The following ARMC1 variants were observed in gnomAD, a reference collection of about 807,000 sequenced individuals.
The protein encoded by ARMC1 is armadillo repeat containing 1, also known as armadillo repeat-containing protein 1.
A neutral mutation model predicts 31.4 loss-of-function variants in ARMC1; 16 were observed. The ratio of observed to expected loss-of-function variants is 0.51; its 90% CI spans 0.34 to 0.77. ARMC1 has a LOEUF of 0.77. ARMC1 is among the 30% of genes least tolerant of loss of function. ARMC1 has a pLI of 0.01. For missense variants in ARMC1, 259 were observed against 347.5 expected (o/e 0.75, Z 2.02); for synonymous variants, 114 against 118.9 (o/e 0.96, Z 0.27).
chr8:65,630,699 A>G (rs1449685240), intron 1 of ARMC1, among the ~76,000 whole-genome samples: 4 of 152,092 alleles, frequency 2.6e-5, no homozygotes, highest in African/African-American at 9.7e-5. Flanking sequence ...GGTGCCTGTA[A>G]TCTCAGCTAC....
chr8:65,624,492 C>A, intron 2 of ARMC1, among the ~76,000 whole-genome samples: 2 of 27,258 alleles, frequency 7.3e-5, no homozygotes, highest in Non-Finnish European at 9.4e-5. Context: ...GAGCAAGACT[C>A]CATCTCAAAA....
Position 65,627,335 on chromosome 8 carries a change from G to A in ARMC1, c.64C>T (p.Arg22Trp), listed in dbSNP as rs762631811. The A allele has an allele frequency of 1.8e-5, 29 of 1,613,132 alleles. No homozygotes were observed. Among genetic ancestry groups the A allele is most frequent in the Middle Eastern group, 1.6e-4 (1 of 6,084 alleles). Residue 22 changes from arginine (R) to tryptophan (W), a missense_variant, in exon 2 of 7, where the codon CGG (arginine) becomes TGG (tryptophan). This residue lies in a region of ARMC1 where 163 missense variants were observed against 186.7 expected (regional missense o/e 0.87). Transcript: ENST00000276569. Reference sequence around the variant, plus strand: ...TTTAACGGATCTGCTGCTAGATCCCGTAACTGGTTAACTACCGATAGAGCG... The same window carrying A: ...TTTAACGGATCTGCTGCTAGATCCCATAACTGGTTAACTACCGATAGAGCG... The part of the protein sequence containing the change: ...PDALSVVNQL[R>W]DLAADPLNRR...
chr8:65,605,294 T>C lies in ARMC1; in HGVS notation c.626A>G (p.Gln209Arg). The C allele has an allele frequency of 6.2e-7, 1 of 1,613,716 alleles. No homozygotes were observed. Among genetic ancestry groups the C allele is most frequent in the Non-Finnish European group, 8.5e-7 (1 of 1,179,936 alleles). ...TCCACTTTCACTTTTCACAACTTGCTGAGCTTTCATAACCTTGGTTGATGC... is the reference window on the plus strand; with the variant it reads ...TCCACTTTCACTTTTCACAACTTGCCGAGCTTTCATAACCTTGGTTGATGC... ...AIASTKVMKA[Q>R]QVVKSESGEE... The change falls in exon 6 of 7, where the codon CAG (glutamine) becomes CGG (arginine). Residue 209 changes from glutamine (Q) to arginine (R), a missense_variant. By Grantham distance (43) the Gln-to-Arg change is conservative. Transcript: ENST00000276569.
intron 4 of ARMC1, among the ~76,000 whole-genome samples, chr8:65,612,094 A>G (rs1046512113): frequency 2.6e-5 from 4 of 151,766 alleles, no homozygotes; most frequent in Admixed American, 1.3e-4. Flanking sequence ...TATTCAGTTC[A>G]CTTTCATTTT....
chr8:65,625,509 T>C (rs1563419788), intron 2 of ARMC1, among the ~76,000 whole-genome samples: 1 of 152,250 alleles, frequency 6.6e-6, no homozygotes, highest in Non-Finnish European at 1.5e-5. Flanking sequence ...TCTCCCATTC[T>C]AGTAGCCCTT....
chr8:65,625,970 C>A (rs982886191), intron 2 of ARMC1, among the ~76,000 whole-genome samples: 3 of 150,694 alleles, frequency 2.0e-5, no homozygotes, highest in Non-Finnish European at 4.4e-5. Context: ...CTCACTGCAA[C>A]CTCTGCCTCC....
chr8:65,606,518 G>C (rs1808008775), intron 4 of ARMC1, among the ~76,000 whole-genome samples: 1 of 152,112 alleles, frequency 6.6e-6, no homozygotes, highest in African/African-American at 2.4e-5. Context: ...AAATATCACT[G>C]CATCATCCAT....
chr8:65,615,119 G>T (rs192105574), intron 3 of ARMC1, among the ~76,000 whole-genome samples: 11 of 152,056 alleles, frequency 7.2e-5, no homozygotes, highest in Non-Finnish European at 1.3e-4. Context: ...AATTCCAGGG[G>T]TGATAATCTG....
chr8:65,618,548 T>C lies in ARMC1; in HGVS notation c.275+3715A>G, dbSNP rs542698242. On this transcript the variant is annotated intron_variant, in intron 3 of 6. Transcript: ENST00000276569. ...AAAAAAAAAAAAAAAAAGAACCTAA[T>C]GTAAAGTGTCTCACCAGAAAACTCC... Among the ~76,000 whole-genome samples the C allele has an allele frequency of 5.0e-4, 71 of 141,376 alleles. No individual in the cohort carries two copies. The East Asian group carries it at 0.012, about 25-fold the overall frequency. 92.7% of individuals were successfully genotyped at this position (141,376 alleles called of 152,430 possible).
chr8:65,604,644 C>T lies in ARMC1; in HGVS notation c.658-59G>A, dbSNP rs540767388. ...TCAACTTTACTCCTTATTCTAATTA[C>T]CGTGGTTATTCTCAGGGTAAATTTT... On this transcript the variant is annotated intron_variant, in intron 6 of 6. Transcript: ENST00000276569. 1.9e-5 allele frequency: 29 copies of T among 1,488,940 alleles called. No homozygotes were observed. In the African/African-American group the frequency reaches 3.5e-4, roughly 18 times the overall value. 92.2% of individuals were successfully genotyped at this position (1,488,940 alleles called of 1,614,324 possible).
intron 1 of ARMC1, among the ~76,000 whole-genome samples, chr8:65,631,246 T>C (rs79679213): frequency 0.028 from 4,207 of 152,252 alleles, 134 homozygotes; most frequent in African/African-American, 0.079. Context: ...GCCTGAATTT[T>C]TGGGGGGGAA....
At chr8:65,627,565 C>T (rs997832794) in intron 1 of ARMC1, 132 bp from the exon 2 acceptor site, 91 of 461,538 alleles carry the variant, frequency 2.0e-4, no homozygotes, top group African/African-American at 1.6e-3. Flanking sequence ...ACTTAGAAAT[C>T]GGCAACTCTA....
chr8:65,615,402 A>T (rs1808227484), intron 3 of ARMC1, among the ~76,000 whole-genome samples: 1 of 3,536 alleles, frequency 2.8e-4, no homozygotes, highest in Admixed American at 1.8e-3. Context: ...ACTTAAGTTA[A>T]AAAAAAAAAA....
At chr8:65,617,865 G>A (rs1003917061) in intron 3 of ARMC1, among the ~76,000 whole-genome samples, 31 of 149,654 alleles carry the variant, frequency 2.1e-4, no homozygotes, top group African/African-American at 7.4e-4. Flanking sequence ...AAAAAAAACT[G>A]TAACAGTAGT....
intron 1 of ARMC1, among the ~76,000 whole-genome samples, chr8:65,631,051 G>A (rs79908589): frequency 0.026 from 4,018 of 152,298 alleles, 82 homozygotes; most frequent in Non-Finnish European, 0.044. Context: ...TGTGGTCACT[G>A]CATTTCCCAT....
rs1807986469 is a variant in ARMC1 at position 65,605,621 on chromosome 8, G to A, written c.466-83C>T. Reference sequence around the variant, plus strand: ...TGAAAACCAAGCTATATTTTGGAGGGGGGAAGAGAGCAAATGACCTATTTC... The same window carrying A: ...TGAAAACCAAGCTATATTTTGGAGGAGGGAAGAGAGCAAATGACCTATTTC... On this transcript the variant is annotated intron_variant, in intron 4 of 6. Transcript: ENST00000276569. 9 of 948,410 alleles carry A rather than the reference G, an allele frequency of 9.5e-6. No homozygotes were observed. In the South Asian group the frequency reaches 9.8e-5, roughly 10 times the overall value. The allele number at this position is 948,410 out of a possible 1,614,324, so 58.7% of individuals were successfully genotyped here.
intron 1 of ARMC1, among the ~76,000 whole-genome samples, chr8:65,633,148 C>T (rs1450486985): frequency 1.3e-5 from 2 of 152,286 alleles, no homozygotes; most frequent in South Asian, 2.1e-4. Flanking sequence ...TAGGCAGATG[C>T]CTGCAAGATT....
chr8:65,623,536 G>T (rs1293466923), intron 2 of ARMC1, among the ~76,000 whole-genome samples: 1 of 150,482 alleles, frequency 6.6e-6, no homozygotes, highest in Non-Finnish European at 1.5e-5. Flanking sequence ...TTGAACCCAG[G>T]AGGCGGAGGT....
At chr8:65,622,897 T>C (rs140685378) in intron 2 of ARMC1, among the ~76,000 whole-genome samples, 168 of 151,356 alleles carry the variant, frequency 1.1e-3, no homozygotes, top group African/African-American at 3.7e-3. Flanking sequence ...TCCCAGCTAC[T>C]TGGAAGGCTG....
Sources: allele counts gnomAD v4.1 joint callset (sites outside exome capture counted in the v4.1 genomes callset), GRCh38; gene constraint gnomAD v4.1.1; regional missense constraint gnomAD v4.1.1; transcripts MANE v1.5; gene names NCBI Gene and HGNC (gene_info 2026-07-23, HGNC 2026-07-21).